The following LMO3 variants were observed in gnomAD, a reference collection of about 807,000 sequenced individuals.
LMO3 encodes LIM domain only protein 3.
LMO3 carries 2 observed loss-of-function variants against 15.8 expected under a neutral mutation model. That is an observed-to-expected ratio of 0.13 (90% CI 0.05 to 0.40). LMO3 has a LOEUF of 0.40. Ranked by LOEUF, LMO3 falls within the 10% of genes least tolerant of loss-of-function variation. The probability of loss-of-function intolerance (pLI) is 0.99; values close to 1 mark genes in which losing one functional copy is unlikely to be tolerated. For missense variants in LMO3, 86 were observed against 182.2 expected (o/e 0.47, Z 3.04); for synonymous variants, 62 against 63.8 (o/e 0.97, Z 0.13).
At chr12:16,601,499 A>T (rs984373020) in intron 1 of LMO3, among the ~76,000 whole-genome samples, 1 of 152,180 alleles carries the variant, frequency 6.6e-6, no homozygotes, top group African/African-American at 2.4e-5. Flanking sequence ...ATTGTGTTCA[A>T]ATATAACATT....
At chr12:16,594,074 G>A in intron 2 of LMO3, 2 of 1,457,918 alleles carry the variant, frequency 1.4e-6, no homozygotes, top group Non-Finnish European at 1.9e-6. Context: ...GAGTGCTATA[G>A]TTTGCAATAT....
rs934115095 is a variant in LMO3 at position 16,557,664 on chromosome 12, T to C, written c.332+2749A>G. Among the ~76,000 whole-genome samples the C allele has an allele frequency of 3.9e-5, 6 of 152,090 alleles. 1 individual carries two copies. The highest frequency in any genetic ancestry group is 3.3e-4 in the Admixed American group (5 of 15,268). ...GGAAAGTCAAGTTAGTGGACTATTATTTGGTAAATTATAAAAATAACTAAC... is the reference window on the plus strand; with the variant it reads ...GGAAAGTCAAGTTAGTGGACTATTACTTGGTAAATTATAAAAATAACTAAC... On this transcript the variant is annotated intron_variant, in intron 3 of 3. Coordinates refer to ENST00000537304, the MANE Select transcript of LMO3 (RefSeq NM_018640.5).
At chr12:16,579,677 C>T (rs892579469) in intron 2 of LMO3, among the ~76,000 whole-genome samples, 4 of 152,170 alleles carry the variant, frequency 2.6e-5, no homozygotes, top group African/African-American at 9.7e-5. Context: ...TCTCTCAACC[C>T]CACCTAGCCT....
intron 2 of LMO3, among the ~76,000 whole-genome samples, chr12:16,592,743 AT>A (rs2079546999): frequency 6.6e-6 from 1 of 151,904 alleles, no homozygotes; most frequent in Admixed American, 6.6e-5. Context: ...TGATTCTTCT[AT>A]TTTTTGGTGA....
In LMO3 at chr12:16,597,914, T is replaced by C. The variant is rs1437177110; in HGVS notation, c.206+2741A>G. The C allele has an allele frequency of 6.6e-6, 1 of 152,010 alleles. No individual in the cohort carries two copies. The highest frequency in any genetic ancestry group is 1.5e-5 in the Non-Finnish European group (1 of 67,900). The allele number at this position is 152,010 out of a possible 1,614,324, so 9.4% of individuals were successfully genotyped here. ...AATATTACTTGTTCACTGATTATAT[T>C]ACAGATTCTATGTAATTAAATAAAC... On this transcript the variant is annotated intron_variant, in intron 2 of 3. Transcript: ENST00000537304. The surrounding 1 kb of genome is among the most constrained non-coding windows in gnomAD (Gnocchi z 5.0).
At position 16,605,020 on chromosome 12, in the gene LMO3, C is replaced by G. The variant is rs878974321; in HGVS notation, c.-9+1046G>C. On this transcript the variant is annotated intron_variant, in intron 1 of 3. Transcript: ENST00000537304. ...GTGCGCAGCCTACACCGCCGAGGAC[C>G]GACTATTGTGAAGCCACTTTGGGAG... The G allele has an allele frequency of 1.9e-6, 3 of 1,568,850 alleles. No individual in the cohort carries two copies. The South Asian group carries it at 3.5e-5, about 18-fold the overall frequency.
intron 1 of LMO3, chr12:16,605,790 C>G (rs1457690408): frequency 2.6e-6 from 4 of 1,535,620 alleles, no homozygotes; most frequent in Non-Finnish European, 3.5e-6. Flanking sequence ...GCGCCGCAGC[C>G]GCTCTCCCTC....
Position 16,586,122 on chromosome 12 carries a change from A to G in LMO3, c.206+14533T>C, listed in dbSNP as rs1470036929. Among the ~76,000 whole-genome samples, 1 of 152,210 alleles carries G rather than the reference A, an allele frequency of 6.6e-6. No individual in the cohort carries two copies. The highest frequency in any genetic ancestry group is 1.5e-5 in the Non-Finnish European group (1 of 68,028). ...GCCAAAACAATAGGGGTCAAGATCA[A>G]AGACACAGGGAAGGATAAATTAAAA... On this transcript the variant is annotated intron_variant, in intron 2 of 3. Transcript: ENST00000537304. This position sits in a 1 kb window ranked among gnomAD's most constrained non-coding sequence, Gnocchi z 4.3.
In LMO3 at chr12:16,587,827, A is replaced by T. The variant is rs1943368774; in HGVS notation, c.206+12828T>A. 6.6e-6 allele frequency among the ~76,000 whole-genome samples: 1 copy of T among 152,070 alleles called. No homozygotes were observed. Among genetic ancestry groups the T allele is most frequent in the Admixed American group, 6.6e-5 (1 of 15,238 alleles). ...AATGGGGGGTTTCAGGGGGAGGGAG[A>T]GGAACCTTGTCTCATATTAATGCTG... is the stretch of plus-strand genomic sequence containing the variant. On this transcript the variant is annotated intron_variant, in intron 2 of 3. Transcript: ENST00000537304. This position sits in a 1 kb window ranked among gnomAD's most constrained non-coding sequence, Gnocchi z 4.3.
In LMO3 at chr12:16,550,150, C is replaced by A. The variant is rs928107338; in HGVS notation, c.*1072G>T. On this transcript the variant is annotated 3_prime_UTR_variant, in exon 4 of 4. Coordinates refer to ENST00000537304, the MANE Select transcript of LMO3 (RefSeq NM_018640.5). ...CAAAAGTAACCTCACTACTCAAATA[C>A]CATCATAGCTTCAATGTGCATTATA... The A allele has an allele frequency of 1.3e-5, 2 of 152,010 alleles. No homozygotes were observed. Among genetic ancestry groups the A allele is most frequent in the African/African-American group, 4.8e-5 (2 of 41,422 alleles). 9.4% of individuals were successfully genotyped at this position (152,010 alleles called of 1,614,324 possible).
At chr12:16,607,775 C>CG (rs1413258965), upstream of LMO3, 2 of 151,274 alleles carry the variant, frequency 1.3e-5, no homozygotes, top group Non-Finnish European at 2.9e-5. Flanking sequence ...TCAAAGCACC[C>CG]CCCCCATGAG....
chr12:16,557,690 T>C (rs1414028970), intron 3 of LMO3, among the ~76,000 whole-genome samples: 1 of 152,080 alleles, frequency 6.6e-6, no homozygotes, highest in Non-Finnish European at 1.5e-5. Context: ...AATAACTAAC[T>C]TTTGAGAACC....
In LMO3 at chr12:16,604,692, G is replaced by A; in HGVS notation, c.-9+1374C>T. On this transcript the variant is annotated intron_variant, in intron 1 of 3. Coordinates refer to ENST00000537304, the MANE Select transcript of LMO3 (RefSeq NM_018640.5). The surrounding 1 kb of genome is among the most constrained non-coding windows in gnomAD (Gnocchi z 5.3). ...GTTTGCAAAGAATGTAGCAGTATTT[G>A]TTGCATCTAGCAAGATTAATTGGTT... The A allele has an allele frequency of 1.5e-6, 1 of 682,740 alleles. No individual in the cohort carries two copies. Among genetic ancestry groups the A allele is most frequent in the Non-Finnish European group, 2.5e-6 (1 of 403,534 alleles). 42.3% of individuals were successfully genotyped at this position (682,740 alleles called of 1,614,324 possible).
In LMO3 at chr12:16,582,872, A is replaced by C. The variant is rs1305338007; in HGVS notation, c.206+17783T>G. ...AGACCAGCCTGGCCAACATGGCGAAACCCCGTCTCTACTAAAATAAAAAAA... is the reference window on the plus strand; with the variant it reads ...AGACCAGCCTGGCCAACATGGCGAACCCCCGTCTCTACTAAAATAAAAAAA... On this transcript the variant is annotated intron_variant, in intron 2 of 3. Coordinates refer to ENST00000537304, the MANE Select transcript of LMO3 (RefSeq NM_018640.5). The surrounding 1 kb of genome is among the most constrained non-coding windows in gnomAD (Gnocchi z 4.1). 1.3e-5 allele frequency among the ~76,000 whole-genome samples: 2 copies of C among 151,820 alleles called. No individual in the cohort carries two copies. Among genetic ancestry groups the C allele is most frequent in the African/African-American group, 2.4e-5 (1 of 41,294 alleles).
chr12:16,601,848 C>T (rs1943834363), intron 1 of LMO3: 1 of 152,128 alleles, frequency 6.6e-6, no homozygotes. Context: ...AATGAATGGA[C>T]ATTCACCTTG....
At position 16,604,576 on chromosome 12, in the gene LMO3, T is replaced by A. The variant is rs1055622388; in HGVS notation, c.-9+1490A>T. On this transcript the variant is annotated intron_variant, in intron 1 of 3. Transcript: ENST00000537304. The surrounding 1 kb of genome is among the most constrained non-coding windows in gnomAD (Gnocchi z 5.3). ...TCACATGCAAAATAAAAAAAAAAAATAAGAAACATACATACACTCTAACAA... is the reference window on the plus strand; with the variant it reads ...TCACATGCAAAATAAAAAAAAAAAAAAAGAAACATACATACACTCTAACAA... 28 of 336,450 alleles carry A rather than the reference T, an allele frequency of 8.3e-5. No individual in the cohort carries two copies. The highest frequency in any genetic ancestry group is 3.4e-4 in the East Asian group (7 of 20,300). 20.8% of individuals were successfully genotyped at this position (336,450 alleles called of 1,614,324 possible). A position where few individuals can be genotyped will look rare whatever the true frequency, so the allele number is the denominator to read the frequency against.
rs1943302369 is a variant in LMO3, at chr12:16,585,831, A to T, written c.206+14824T>A. On this transcript the variant is annotated intron_variant, in intron 2 of 3. Transcript: ENST00000537304. This position sits in a 1 kb window ranked among gnomAD's most constrained non-coding sequence, Gnocchi z 4.7. ...ATTTGATCTGGGCTTCCCAGGAAAC[A>T]AAGAAAAGAGGGAAAATGTCAACAT... Among the ~76,000 whole-genome samples the T allele has an allele frequency of 6.6e-6, 1 of 152,206 alleles. No individual in the cohort carries two copies. Among genetic ancestry groups the T allele is most frequent in the Non-Finnish European group, 1.5e-5 (1 of 68,032 alleles).
chr12:16,577,795 G>A (rs147912131), intron 2 of LMO3, among the ~76,000 whole-genome samples: 125 of 152,262 alleles, frequency 8.2e-4, no homozygotes, highest in Non-Finnish European at 1.3e-3. Flanking sequence ...TATTCAGGTT[G>A]CCCATGATGG....
Position 16,579,803 on chromosome 12 carries a change from T to C in LMO3, c.207-19265A>G, listed in dbSNP as rs552311404. ...GTGAATGCGATACTTTACAGAAAAATACCAGCTTATAAATGTAGAAGTGAT... is the reference window on the plus strand; with the variant it reads ...GTGAATGCGATACTTTACAGAAAAACACCAGCTTATAAATGTAGAAGTGAT... On this transcript the variant is annotated intron_variant, in intron 2 of 3. Coordinates refer to ENST00000537304, the MANE Select transcript of LMO3 (RefSeq NM_018640.5). Among the ~76,000 whole-genome samples the C allele has an allele frequency of 3.3e-4, 50 of 152,354 alleles. 1 individual carries two copies. In the South Asian group the frequency reaches 9.9e-3, roughly 30 times the overall value.
Sources: gnomAD v4.1 joint callset for allele counts (sites outside exome capture counted in the v4.1 genomes callset) on GRCh38, gnomAD v4.1.1 for gene constraint, Gnocchi (gnomAD v3.1) non-coding constraint, MANE v1.5 for transcripts, NCBI Gene and HGNC (gene_info 2026-07-23, HGNC 2026-07-21) for gene names.